Variants in PPP2R5A observed in about 807,000 individuals in gnomAD.
PPP2R5A encodes the protein protein phosphatase 2 regulatory subunit B'alpha, also known as serine/threonine-protein phosphatase 2A 56 kDa regulatory subunit alpha isoform.
A neutral mutation model predicts 64.2 loss-of-function variants in PPP2R5A; 25 were observed. The observed-to-expected ratio is 0.39, with a 90% CI of 0.28 to 0.54. PPP2R5A has a LOEUF of 0.54. PPP2R5A is among the 20% of genes least tolerant of loss of function. The pLI is 0.67. For missense variants in PPP2R5A, 425 were observed against 576.3 expected, an observed-to-expected ratio of 0.74 and a Z score of 2.69; for synonymous variants, 198 against 201.2, an observed-to-expected ratio of 0.98 and a Z score of 0.13.
intron 1 of PPP2R5A, chr1:212,297,808 T>TTTTTTTTTTTTTTC (rs1658725900): frequency 8.4e-5 from 4 of 47,778 alleles, no homozygotes; most frequent in Admixed American, 7.4e-4. Flanking sequence ...TGAAGTGAAT[T>TTTTTTTTTTTTTTC]GTTTTTTTTT....
intron 2 of PPP2R5A, among the ~76,000 whole-genome samples, chr1:212,330,662 T>G (rs1251021705): frequency 1.3e-5 from 2 of 152,278 alleles, no homozygotes; most frequent in South Asian, 4.1e-4. Context: ...ACAGTTGCCT[T>G]CATTTCTTTC....
At chr1:212,354,202 A>G (rs1033520494) in intron 8 of PPP2R5A, among the ~76,000 whole-genome samples, 2 of 152,006 alleles carry the variant, frequency 1.3e-5, no homozygotes, top group African/African-American at 4.8e-5. Flanking sequence ...ATAAATAAAT[A>G]AAAATAACAG....
intron 1 of PPP2R5A, chr1:212,309,286 T>C (rs1361180876): frequency 2.6e-6 from 4 of 1,531,362 alleles, no homozygotes; most frequent in African/African-American, 2.7e-5. Context: ...CAGCGGAAAC[T>C]TGATGATAGC....
chr1:212,357,091 CT>C lies in PPP2R5A; in HGVS notation c.1098+25del, dbSNP rs1264627898. 4 of 1,593,138 alleles carry C rather than the reference CT, an allele frequency of 2.5e-6. No individual in the cohort carries two copies. In the African/African-American group the frequency reaches 4.1e-5, roughly 16 times the overall value. ...TCAGGTATGATGTTTTCAGTGAAGC[CT>C]TTACTTTACACTAGTATTTCTTTCC... is the stretch of plus-strand genomic sequence containing the variant. On this transcript the variant is annotated intron_variant, in intron 10 of 12. Transcript: ENST00000261461.
intron 1 of PPP2R5A, among the ~76,000 whole-genome samples, chr1:212,321,595 G>T (rs1434963436): frequency 5.5e-5 from 8 of 146,530 alleles, no homozygotes; most frequent in African/African-American, 2.2e-4. Flanking sequence ...AGACAGGGTG[G>T]CAGGGCAGAG....
At chr1:212,344,570 C>G (rs918953921) in intron 4 of PPP2R5A, among the ~76,000 whole-genome samples, 1 of 152,110 alleles carries the variant, frequency 6.6e-6, no homozygotes, top group Non-Finnish European at 1.5e-5. Context: ...CACGAAAGTT[C>G]AGAACATAAA....
intron 5 of PPP2R5A, among the ~76,000 whole-genome samples, chr1:212,346,469 C>T (rs552658797): frequency 3.3e-5 from 5 of 152,054 alleles, no homozygotes; most frequent in African/African-American, 7.2e-5. Context: ...TTGCATATAA[C>T]GTCCACACAT....
chr1:212,328,441 G>T (rs1412844201), intron 1 of PPP2R5A, among the ~76,000 whole-genome samples: 1 of 152,178 alleles, frequency 6.6e-6, no homozygotes, highest in Non-Finnish European at 1.5e-5. Context: ...AATCTTCAGG[G>T]AACTACAGAG....
rs538910899 is a variant in PPP2R5A at position 212,285,569 on chromosome 1, G to A, written c.-542G>A. On this transcript the variant is annotated 5_prime_UTR_variant, in exon 1 of 13. Coordinates refer to ENST00000261461, the MANE Select transcript of PPP2R5A (RefSeq NM_006243.4). ...GGCCGGGGCTACGGGGCAGCGCCCC[G>A]GGCGATGAGGGGCCGGCGTTGACCG... The A allele has an allele frequency of 9.8e-5, 15 of 152,532 alleles. No individual in the cohort carries two copies. Among genetic ancestry groups the A allele is most frequent in the African/African-American group, 3.6e-4 (15 of 41,558 alleles). 9.4% of individuals were successfully genotyped at this position (152,532 alleles called of 1,614,324 possible).
At chr1:212,352,897 G>A (rs1659912319) in intron 8 of PPP2R5A, 1 of 519,088 alleles carries the variant, frequency 1.9e-6, no homozygotes, top group African/African-American at 1.9e-5. Flanking sequence ...TTTCCTTGAT[G>A]GTCATAGTTC....
At chr1:212,353,350 GTCTGT>G (rs1385985241) in intron 8 of PPP2R5A, among the ~76,000 whole-genome samples, 2 of 152,156 alleles carry the variant, frequency 1.3e-5, no homozygotes, top group African/African-American at 2.4e-5. Flanking sequence ...TTTTGCCACA[GTCTGT>G]TCGTTAGAAG....
intron 4 of PPP2R5A, among the ~76,000 whole-genome samples, chr1:212,342,875 C>T (rs567170433): frequency 2.4e-4 from 37 of 151,734 alleles, no homozygotes; most frequent in Non-Finnish European, 5.0e-4. Context: ...TGCTTATTAG[C>T]TGTTATTTTT....
chr1:212,326,569 C>T (rs1235424366), intron 1 of PPP2R5A, among the ~76,000 whole-genome samples: 1 of 152,168 alleles, frequency 6.6e-6, no homozygotes, highest in African/African-American at 2.4e-5. Context: ...CACACTCTAG[C>T]CTGGGCAGTA....
chr1:212,299,031 G>A lies in PPP2R5A; in HGVS notation c.181+12740G>A, dbSNP rs1195886238. On this transcript the variant is annotated intron_variant, in intron 1 of 12. Coordinates refer to ENST00000261461, the MANE Select transcript of PPP2R5A (RefSeq NM_006243.4). Reference sequence around the variant, plus strand: ...CAGAGGAGCCCCTCACCTCCCGGCCGGGGCGGCTGGCCGACACCCCCCCCC... The same window carrying A: ...CAGAGGAGCCCCTCACCTCCCGGCCAGGGCGGCTGGCCGACACCCCCCCCC... Among the ~76,000 whole-genome samples, 36 of 25,154 alleles carry A rather than the reference G, an allele frequency of 1.4e-3. 10 individuals are homozygous for A. The highest frequency in any genetic ancestry group is 2.9e-3 in the Admixed American group (10 of 3,482). 16.5% of individuals were successfully genotyped at this position (25,154 alleles called of 152,430 possible). A position where few individuals can be genotyped will look rare whatever the true frequency, so the allele number is the denominator to read the frequency against.
At chr1:212,323,767 C>T (rs2102429393) in intron 1 of PPP2R5A, among the ~76,000 whole-genome samples, 1 of 152,168 alleles carries the variant, frequency 6.6e-6, no homozygotes, top group East Asian at 1.9e-4. Context: ...CAGAGAAAGT[C>T]TTTTTTAAAA....
chr1:212,312,032 C>T (rs544941795), intron 1 of PPP2R5A, among the ~76,000 whole-genome samples: 2 of 152,292 alleles, frequency 1.3e-5, no homozygotes, highest in East Asian at 1.9e-4. Context: ...CTTACTCATC[C>T]AGAGCAACTT....
intron 11 of PPP2R5A, 33 bp downstream of exon 11, chr1:212,357,317 CTTTTTTTTT>C (rs376007639): frequency 1.7e-6 from 2 of 1,159,106 alleles, no homozygotes; most frequent in African/African-American, 1.6e-5. Flanking sequence ...GTATTTTTTT[CTTTTTTTTT>C]TTTTATATCT....
chr1:212,321,149 G>T (rs1659278681), intron 1 of PPP2R5A, among the ~76,000 whole-genome samples: 1 of 145,278 alleles, frequency 6.9e-6, no homozygotes, highest in African/African-American at 2.6e-5. Flanking sequence ...GCCGGCAGAG[G>T]CGCCCCTCAC....
chr1:212,322,383 T>C (rs1035260170), intron 1 of PPP2R5A, among the ~76,000 whole-genome samples: 1 of 152,222 alleles, frequency 6.6e-6, no homozygotes, highest in Non-Finnish European at 1.5e-5. Flanking sequence ...TCTGCTCTTT[T>C]TTCTTACGAG....
Sources: gnomAD v4.1 joint callset for allele counts (sites outside exome capture counted in the v4.1 genomes callset) on GRCh38, gnomAD v4.1.1 for gene constraint, MANE v1.5 for transcripts, NCBI Gene and HGNC (gene_info 2026-07-23, HGNC 2026-07-21) for gene names.